RP1L1: variants seen among roughly 807,000 people sequenced by gnomAD.
RP1L1 encodes retinitis pigmentosa 1-like 1 protein.
Under a neutral mutation model 15.7 loss-of-function variants are expected in RP1L1, and 27 were observed. The observed-to-expected ratio is 1.72, with a 90% CI of 1.27 to 2.38. The LOEUF (loss-of-function observed/expected upper bound fraction) is 2.38. RP1L1 is among the 30% of genes most tolerant of loss of function. The pLI, the probability that RP1L1 is intolerant of heterozygous loss-of-function variation, is 0.00. For missense variants in RP1L1, 4,798 were observed against 3,075.9 expected (o/e 1.56, Z -13.24); for synonymous variants, 1,813 against 1,276.7 (o/e 1.42, Z -8.96).
rs1022582553 is a variant in RP1L1, at chr8:10,611,426, C to T, written c.2672G>A (p.Gly891Glu). The stretch of plus-strand genomic sequence containing the variant: ...CGGCGTGGGGCCTGGCTGGCGTGTC[C>T]CCTCCTGCGGGCTCCCACCTGGCCC... ...ARGPGGSPQE[G>E]TRQPGPTPSP... The change falls in exon 4 of 4, where the codon GGG becomes GAG. Residue 891 changes from glycine to glutamate, a missense_variant. Coordinates refer to ENST00000382483, the MANE Select transcript of RP1L1 (RefSeq NM_178857.6). The T allele has an allele frequency of 3.8e-6, 6 of 1,582,100 alleles. No individual in the cohort carries two copies. The highest frequency in any genetic ancestry group is 4.6e-5 in the East Asian group (2 of 43,424).
At position 10,610,662 on chromosome 8, in the gene RP1L1, G is replaced by A. The variant is rs4840502; in HGVS notation, c.3436C>T (p.Arg1146Trp). Residue 1146 changes from arginine (R) to tryptophan (W), a missense_variant, in exon 4 of 4, where the codon CGG (arginine) becomes TGG (tryptophan). Coordinates refer to ENST00000382483, the MANE Select transcript of RP1L1 (RefSeq NM_178857.6). ...ASKVRFKDSP[R>W]YQELLSISKD... ...GAGATGCTGAGCAGCTCCTGGTACC[G>A]AGGGGAGTCTTTGAACCTCACTTTG... 0.72 allele frequency: 1,165,437 copies of A among 1,613,468 alleles called. 422,093 individuals are homozygous for A. Among genetic ancestry groups the A allele is most frequent in the South Asian group, 0.82 (74,976 of 91,080 alleles).
chr8:10,629,655 G>C (rs572232016), intron 1 of RP1L1, among the ~76,000 whole-genome samples: 1 of 152,254 alleles, frequency 6.6e-6, no homozygotes, highest in African/African-American at 2.4e-5. Context: ...ACTTAAACCA[G>C]GTAGAGGTTT....
chr8:10,636,958 C>T (rs778515503), intron 1 of RP1L1, among the ~76,000 whole-genome samples: 1 of 152,232 alleles, frequency 6.6e-6, no homozygotes, highest in East Asian at 1.9e-4. Context: ...GCCTTAGAAC[C>T]TTCCCTGCCC....
At position 10,622,805 on chromosome 8, in the gene RP1L1, C is replaced by T. The variant is rs749294164; in HGVS notation, c.397G>A (p.Glu133Lys). 6.6e-5 allele frequency: 106 copies of T among 1,613,702 alleles called. No homozygotes were observed. The highest frequency in any genetic ancestry group is 1.8e-4 in the South Asian group (16 of 91,054). The change falls in exon 2 of 4, where the codon GAA becomes AAA. Residue 133 changes from glutamate to lysine, a missense_variant. By Grantham distance (56) the Glu-to-Lys change is moderately conservative. Coordinates refer to ENST00000382483, the MANE Select transcript of RP1L1 (RefSeq NM_178857.6). ...NPTAQQLRDV[E>K]GQREAPGTSS... The stretch of plus-strand genomic sequence containing the variant: ...GTGCCTGGGGCTTCACGCTGGCCTT[C>T]GACATCCCGCAACTGCTGAGCAGTG...
At chr8:10,624,872 G>A (rs1798132289) in intron 1 of RP1L1, among the ~76,000 whole-genome samples, 1 of 152,296 alleles carries the variant, frequency 6.6e-6, no homozygotes, top group East Asian at 1.9e-4. Context: ...CGAACAGGAA[G>A]AGCCCCACTG....
rs1309836399 is a variant in RP1L1, at chr8:10,609,186, C to G, written c.4912G>C (p.Ala1638Pro). The G allele has an allele frequency of 1.2e-6, 2 of 1,611,980 alleles. No individual in the cohort carries two copies. The highest frequency in any genetic ancestry group is 3.3e-5 in the Admixed American group (2 of 60,002). Residue 1638 changes from alanine to proline, a missense_variant, in exon 4 of 4, where the codon GCC becomes CCC. Coordinates refer to ENST00000382483, the MANE Select transcript of RP1L1 (RefSeq NM_178857.6). ...TGGCTCCCCAGGGCTGTGCTGAGGG[C>G]TGGCTCGTCCTCCAGGGTGAAGGAG... ...PLSFTLEDEPALSTALGSQLG... is the reference protein window; with the variant it reads ...PLSFTLEDEPPLSTALGSQLG...
intron 1 of RP1L1, among the ~76,000 whole-genome samples, chr8:10,637,708 C>T (rs554207482): frequency 3.9e-5 from 6 of 152,178 alleles, no homozygotes; most frequent in African/African-American, 1.2e-4. Context: ...AAAGAGTTAA[C>T]GTAGCTGATA....
rs1475282367 is a variant in RP1L1, at chr8:10,611,503, C to T, written c.2595G>A (p.Arg865=). The T allele has an allele frequency of 3.2e-6, 5 of 1,575,976 alleles. No homozygotes were observed. The highest frequency in any genetic ancestry group is 2.7e-5 in the African/African-American group (2 of 74,426). The change falls in exon 4 of 4, where the codon AGG becomes AGA. Residue 865 remains arginine (R), a synonymous_variant. Transcript: ENST00000382483. The stretch of plus-strand genomic sequence containing the variant: ...CGGTGCTCCCACAGCTGGAAGAGCG[C>T]CTCTGGGGGCAGGGCCGCCCCCTGG... ...TPPRGRPCPQ[R]RSSSCGSTGS...
intron 1 of RP1L1, among the ~76,000 whole-genome samples, chr8:10,647,376 G>C (rs1798495182): frequency 6.6e-6 from 1 of 152,034 alleles, no homozygotes; most frequent in African/African-American, 2.4e-5. Flanking sequence ...GCCATTTTTA[G>C]GTGTACAGCC....
In RP1L1 at chr8:10,610,073, T is replaced by G; in HGVS notation, c.4025A>C (p.Lys1342Thr). Residue 1342 changes from lysine to threonine, a missense_variant, in exon 4 of 4, where the codon AAA becomes ACA. Transcript: ENST00000382483. ...QEEGVQLEET[K>T]ETEGEGQQEE... ...TTGCTGTCCTTCTCCTTCTGTTTCTTTAGTTTCCTCTAACTGCACCCCCTC... is the reference window on the plus strand; with the variant it reads ...TTGCTGTCCTTCTCCTTCTGTTTCTGTAGTTTCCTCTAACTGCACCCCCTC... The G allele has an allele frequency of 6.7e-7, 1 of 1,485,030 alleles. No homozygotes were observed. Among genetic ancestry groups the G allele is most frequent in the Non-Finnish European group, 9.1e-7 (1 of 1,100,414 alleles). The allele number at this position is 1,485,030 out of a possible 1,614,324, so 92.0% of individuals were successfully genotyped here. A position where few individuals can be genotyped will look rare whatever the true frequency, so the allele number is the denominator to read the frequency against.
intron 1 of RP1L1, among the ~76,000 whole-genome samples, chr8:10,653,676 A>G (rs1483225642): frequency 6.6e-6 from 1 of 151,128 alleles, no homozygotes; most frequent in Non-Finnish European, 1.5e-5. Flanking sequence ...CACACACATT[A>G]AACACAGAGG....
intron 1 of RP1L1, among the ~76,000 whole-genome samples, chr8:10,628,447 G>A (rs960217684): frequency 3.3e-5 from 5 of 152,086 alleles, no homozygotes; most frequent in Admixed American, 1.3e-4. Flanking sequence ...ACAAGTGCAT[G>A]GGCTCCTGCA....
rs763153102 is a variant in RP1L1 at position 10,622,586 on chromosome 8, A to G, written c.609+7T>C. ...TTTCAAGGAACCGTCAGACCCCAAC[A>G]GCCTACCTTTTTCCCGCTGGTCGTG... is the stretch of plus-strand genomic sequence containing the variant. On this transcript the variant is annotated splice_region_variant and intron_variant, in intron 2 of 3. Coordinates refer to ENST00000382483, the MANE Select transcript of RP1L1 (RefSeq NM_178857.6). 3 of 1,614,030 alleles carry G rather than the reference A, an allele frequency of 1.9e-6. No homozygotes were observed. The highest frequency in any genetic ancestry group is 1.3e-5 in the African/African-American group (1 of 74,920).
chr8:10,619,486 C>G (rs1212639133), intron 2 of RP1L1, among the ~76,000 whole-genome samples: 1 of 152,192 alleles, frequency 6.6e-6, no homozygotes, highest in Non-Finnish European at 1.5e-5. Flanking sequence ...CCCCCCAAAA[C>G]TCACCTTCCT....
Position 10,611,267 on chromosome 8 carries a change from G to A in RP1L1, c.2831C>T (p.Ser944Leu). The A allele has an allele frequency of 1.9e-6, 3 of 1,613,002 alleles. No homozygotes were observed. Among genetic ancestry groups the A allele is most frequent in the Non-Finnish European group, 1.7e-6 (2 of 1,180,020 alleles). The change falls in exon 4 of 4, where the codon TCA becomes TTA. Residue 944 changes from serine (S) to leucine (L), a missense_variant. By Grantham distance (145) the Ser-to-Leu change is moderately radical. Coordinates refer to ENST00000382483, the MANE Select transcript of RP1L1 (RefSeq NM_178857.6). The part of the protein sequence containing the change: ...PQGQEEASGV[S>L]PSSLPRSSPE... ...AGACGAGCGGGGCAGAGAGCTGGGT[G>A]ACACACCACTGGCCTCCTCCTGCCC...
rs532193743 is a variant in RP1L1, at chr8:10,634,433, C to T, written c.-19-11213G>A. On this transcript the variant is annotated intron_variant, in intron 1 of 3. Transcript: ENST00000382483. ...GTGAGGCTCCTCCCGGCATATGGAC[C>T]GGTTTTCCGTGATGTGACAAGTGGG... Among the ~76,000 whole-genome samples, 96 of 152,216 alleles carry T rather than the reference C, an allele frequency of 6.3e-4. 3 individuals are homozygous for T. The South Asian group carries it at 0.017, about 27-fold the overall frequency.
In RP1L1 at chr8:10,611,056, C is replaced by G. The variant is rs940918544; in HGVS notation, c.3042G>C (p.Leu1014=). Residue 1014 remains leucine, a synonymous_variant, in exon 4 of 4, where the codon CTG becomes CTC. Transcript: ENST00000382483. ...GEPAQAGQQS[L]EGDPGQDPEP... is the part of the protein sequence containing the mutation. ...CTGGGTCCTGGCCGGGGTCCCCTTC[C>G]AGGGACTGCTGTCCCGCCTGAGCTG... The G allele has an allele frequency of 1.9e-6, 3 of 1,612,712 alleles. No homozygotes were observed. In the African/African-American group the frequency reaches 4.0e-5, roughly 22 times the overall value.
rs1412966122 is a variant in RP1L1 at position 10,611,772 on chromosome 8, T to A, written c.2326A>T (p.Ile776Leu). 1.9e-6 allele frequency: 3 copies of A among 1,613,468 alleles called. No individual in the cohort carries two copies. In the Admixed American group the frequency reaches 5.0e-5, roughly 27 times the overall value. The change falls in exon 4 of 4, where the codon ATA becomes TTA. Residue 776 changes from isoleucine to leucine, a missense_variant. Coordinates refer to ENST00000382483, the MANE Select transcript of RP1L1 (RefSeq NM_178857.6). ...CAGGAGTCGGATGTGTGGGGAGGTA[T>A]GGGGGCCGGCGAGCATGTCCTGGAC... ...AGSRTCSPAP[I>L]PPHTSDSCSK...
At chr8:10,613,920 G>A (rs1368216933) in intron 3 of RP1L1, among the ~76,000 whole-genome samples, 3 of 152,220 alleles carry the variant, frequency 2.0e-5, no homozygotes, top group Non-Finnish European at 4.4e-5. Flanking sequence ...CAACTCTGCT[G>A]CTTACTAGCT....
Sources: allele counts gnomAD v4.1 joint callset (sites outside exome capture counted in the v4.1 genomes callset), GRCh38; gene constraint gnomAD v4.1.1; transcripts MANE v1.5; gene names NCBI Gene and HGNC (gene_info 2026-07-23, HGNC 2026-07-21).